NAALADL2: variants seen among roughly 807,000 people sequenced by gnomAD.
NAALADL2 encodes N-acetylated alpha-linked acidic dipeptidase like 2.
In NAALADL2, 76 loss-of-function variants were observed where a neutral mutation model predicts 87.2. The observed-to-expected ratio is 0.87, with a 90% CI of 0.72 to 1.05. The LOEUF is 1.05. NAALADL2 is among the 50% of genes least tolerant of loss of function. The probability of loss-of-function intolerance (pLI) is 0.00; values close to 1 mark genes in which losing one functional copy is unlikely to be tolerated. For synonymous variants in NAALADL2, 354 were observed against 331.0 expected, an observed-to-expected ratio of 1.07 and a Z score of -0.75; for missense variants, 1,089 against 945.8, an observed-to-expected ratio of 1.15 and a Z score of -1.99.
intron 1 of NAALADL2, among the ~76,000 whole-genome samples, chr3:174,505,547 T>G (rs189220339): frequency 6.9e-6 from 1 of 145,268 alleles, no homozygotes; most frequent in East Asian, 2.0e-4. Context: ...TTAAATGAAA[T>G]GAAACTTAAA....
chr3:175,057,621 A>T (rs1332803714), intron 1 of NAALADL2, among the ~76,000 whole-genome samples: 6 of 152,158 alleles, frequency 3.9e-5, no homozygotes, highest in Admixed American at 3.9e-4. Flanking sequence ...CTTGCTGTTT[A>T]ATTAGGCTGT....
chr3:175,678,641 G>A (rs953093321), intron 11 of NAALADL2, among the ~76,000 whole-genome samples: 16 of 152,074 alleles, frequency 1.1e-4, no homozygotes, highest in African/African-American at 1.7e-4. Flanking sequence ...ACTAAACACC[G>A]CATGTTCTCA....
Position 174,671,127 on chromosome 3 carries a change from G to A in NAALADL2, c.-114-66514G>A, listed in dbSNP as rs184561655. Among the ~76,000 whole-genome samples the A allele has an allele frequency of 2.3e-3, 344 of 152,136 alleles. 1 individual carries two copies. The highest frequency in any genetic ancestry group is 4.2e-3 in the Non-Finnish European group (286 of 67,984). ...TGCTTTCTGTACAGGCTGTGGTACC[G>A]TGAACCAATTAAACCTCTTTTCTTT... On this transcript the variant is annotated intron_variant, in intron 2 of 3. Transcript: ENST00000434257.
intron 1 of NAALADL2, among the ~76,000 whole-genome samples, chr3:174,888,417 A>T (rs189403207): frequency 6.6e-6 from 1 of 152,342 alleles, no homozygotes; most frequent in East Asian, 1.9e-4. Flanking sequence ...GGTTACTGTT[A>T]TTGGTGAATG....
chr3:175,456,710 C>T (rs1581962795), intron 6 of NAALADL2, among the ~76,000 whole-genome samples: 1 of 152,018 alleles, frequency 6.6e-6, no homozygotes, highest in Non-Finnish European at 1.5e-5. Context: ...GATGATGCAA[C>T]CATCACAATC....
In NAALADL2 at chr3:175,316,549, C is replaced by T. The variant is rs1759165231; in HGVS notation, c.940-7626C>T. On this transcript the variant is annotated intron_variant, in intron 4 of 13. Coordinates refer to ENST00000454872, the MANE Select transcript of NAALADL2 (RefSeq NM_207015.3). Reference sequence around the variant, plus strand: ...GACCCCGTTTTTCAGGAATTAGACCCCCATGTAGTCATCGTTCTATATCTT... The same window carrying T: ...GACCCCGTTTTTCAGGAATTAGACCTCCATGTAGTCATCGTTCTATATCTT... Among the ~76,000 whole-genome samples, 6 of 152,172 alleles carry T rather than the reference C, an allele frequency of 3.9e-5. No homozygotes were observed. The South Asian group carries it at 1.2e-3, about 32-fold the overall frequency.
At chr3:174,659,231 AAT>A (rs1454858230) in intron 2 of NAALADL2, among the ~76,000 whole-genome samples, 1 of 152,206 alleles carries the variant, frequency 6.6e-6, no homozygotes, top group Non-Finnish European at 1.5e-5. Flanking sequence ...TAAAACTTGA[AAT>A]CAAAACTATG....
At chr3:174,914,063 C>CTT (rs201995069) in intron 1 of NAALADL2, among the ~76,000 whole-genome samples, 5 of 141,720 alleles carry the variant, frequency 3.5e-5, no homozygotes, top group African/African-American at 7.7e-5. Flanking sequence ...CTTTTCTTTT[C>CTT]TTTTTTTTTT....
At chr3:175,698,474 T>C (rs1384751955) in intron 11 of NAALADL2, among the ~76,000 whole-genome samples, 1 of 102,754 alleles carries the variant, frequency 9.7e-6, no homozygotes, top group East Asian at 2.3e-4. Context: ...TATATGTGTG[T>C]ATATATATTT....
chr3:175,522,324 T>C (rs1174953061), intron 9 of NAALADL2, among the ~76,000 whole-genome samples: 2 of 152,210 alleles, frequency 1.3e-5, no homozygotes, highest in South Asian at 2.1e-4. Flanking sequence ...GCTCCTAATA[T>C]ATGAACATCA....
intron 1 of NAALADL2, among the ~76,000 whole-genome samples, chr3:175,035,270 A>T (rs753768182): frequency 1.3e-5 from 2 of 152,218 alleles, no homozygotes; most frequent in Admixed American, 1.3e-4. Flanking sequence ...AGAATAAAGT[A>T]GACTTAAAGT....
At chr3:175,169,360 C>G (rs1734448498) in intron 2 of NAALADL2, among the ~76,000 whole-genome samples, 1 of 151,288 alleles carries the variant, frequency 6.6e-6, no homozygotes, top group African/African-American at 2.4e-5. Context: ...CTGCTACTTA[C>G]TAGCTATCAC....
At chr3:174,622,774 C>T (rs1462791408) in intron 2 of NAALADL2, among the ~76,000 whole-genome samples, 1 of 152,204 alleles carries the variant, frequency 6.6e-6, no homozygotes, top group Non-Finnish European at 1.5e-5. Context: ...GGCGCGGTGG[C>T]TCACGCCTGT....
intron 2 of NAALADL2, among the ~76,000 whole-genome samples, chr3:175,168,091 G>A (rs1734244137): frequency 6.6e-6 from 1 of 151,764 alleles, no homozygotes; most frequent in Admixed American, 6.6e-5. Flanking sequence ...TTTGGTATAT[G>A]TGGGGGAAAC....
intron 1 of NAALADL2, among the ~76,000 whole-genome samples, chr3:175,055,488 A>G (rs527404260): frequency 4.7e-4 from 71 of 152,308 alleles, no homozygotes; most frequent in Admixed American, 4.0e-3. Flanking sequence ...TACAGCATAA[A>G]TCTACTGCAG....
intron 1 of NAALADL2, among the ~76,000 whole-genome samples, chr3:174,885,093 C>G (rs575225226): frequency 3.9e-5 from 6 of 152,112 alleles, no homozygotes; most frequent in African/African-American, 1.4e-4. Context: ...AGTTTCATCA[C>G]AGTTTACAAC....
At chr3:174,927,118 T>G (rs976006021) in intron 1 of NAALADL2, among the ~76,000 whole-genome samples, 4 of 151,688 alleles carry the variant, frequency 2.6e-5, no homozygotes, top group Admixed American at 1.3e-4. Flanking sequence ...AGAAGGCCAT[T>G]ACATAATGGT....
At chr3:174,555,328 TCACTCTTGTCG>T (rs1396367762) in intron 2 of NAALADL2, among the ~76,000 whole-genome samples, 1 of 152,136 alleles carries the variant, frequency 6.6e-6, no homozygotes, top group African/African-American at 2.4e-5. Context: ...TGAGAGAGTC[TCACTCTTGTCG>T]CCCAGCCTGG....
chr3:175,262,575 A>AGTGTGTATGT (rs1553841753), intron 4 of NAALADL2, among the ~76,000 whole-genome samples: 1 of 147,012 alleles, frequency 6.8e-6, no homozygotes, highest in South Asian at 2.2e-4. Context: ...ATGTTGTGTG[A>AGTGTGTATGT]GTGTGTGTGT....
Sources: gnomAD v4.1 joint callset for allele counts (sites outside exome capture counted in the v4.1 genomes callset) on GRCh38, gnomAD v4.1.1 for gene constraint, MANE v1.5 for transcripts, NCBI Gene and HGNC (gene_info 2026-07-23, HGNC 2026-07-21) for gene names.